The following COL25A1 variants were observed in gnomAD, a reference collection of about 807,000 sequenced individuals.
COL25A1 encodes the protein collagen alpha-1(XXV) chain.
A neutral mutation model predicts 128.4 loss-of-function variants in COL25A1; 103 were observed. The observed-to-expected ratio is 0.80, with a 90% CI of 0.68 to 0.94. COL25A1 has a LOEUF of 0.94. Ranked by LOEUF, COL25A1 falls within the 40% of genes least tolerant of loss-of-function variation. COL25A1 has a pLI of 0.00. For synonymous variants in COL25A1, 279 were observed against 277.2 expected, an observed-to-expected ratio of 1.01 and a Z score of -0.06; for missense variants, 745 against 840.0, an observed-to-expected ratio of 0.89 and a Z score of 1.40.
chr4:109,283,190 T>C (rs568951097), intron 3 of COL25A1, among the ~76,000 whole-genome samples: 39 of 152,310 alleles, frequency 2.6e-4, no homozygotes, highest in African/African-American at 9.4e-4. Flanking sequence ...CCCTGTGTAT[T>C]TGAGTTAGAG....
chr4:109,257,064 A>T (rs1781131203), intron 3 of COL25A1, among the ~76,000 whole-genome samples: 1 of 152,200 alleles, frequency 6.6e-6, no homozygotes, highest in Non-Finnish European at 1.5e-5. Context: ...TACTTTTCAC[A>T]ATAGTATCTG....
intron 5 of COL25A1, among the ~76,000 whole-genome samples, chr4:109,036,664 AT>A (rs1467517961): frequency 9.2e-5 from 14 of 152,348 alleles, no homozygotes; most frequent in African/African-American, 3.4e-4. Context: ...CCACAAGCTG[AT>A]TAGTTCCACT....
chr4:109,078,448 T>C (rs1248501275), intron 3 of COL25A1, among the ~76,000 whole-genome samples: 1 of 152,210 alleles, frequency 6.6e-6, no homozygotes, highest in African/African-American at 2.4e-5. Context: ...ATAAATGACA[T>C]ATAGCATTTG....
At chr4:108,861,476 C>A (rs1428063963) in intron 22 of COL25A1, among the ~76,000 whole-genome samples, 1 of 152,142 alleles carries the variant, frequency 6.6e-6, no homozygotes, top group Admixed American at 6.5e-5. Context: ...TGATGGGGAT[C>A]TAAGGAAAAG....
chr4:108,889,925 A>T (rs1741290795), intron 16 of COL25A1, among the ~76,000 whole-genome samples, 192 bp from the exon 17 acceptor site: 1 of 152,234 alleles, frequency 6.6e-6, no homozygotes, highest in Non-Finnish European at 1.5e-5. Flanking sequence ...TTGTACCAAT[A>T]TCTCAGCTGT....
chr4:109,186,421 T>C (rs1775135349), intron 3 of COL25A1, among the ~76,000 whole-genome samples: 1 of 152,242 alleles, frequency 6.6e-6, no homozygotes, highest in African/African-American at 2.4e-5. Context: ...TAAATGACAG[T>C]AATGTTTCAG....
chr4:109,166,000 T>A (rs1215205887), intron 3 of COL25A1, among the ~76,000 whole-genome samples: 3 of 152,168 alleles, frequency 2.0e-5, no homozygotes, highest in Non-Finnish European at 4.4e-5. Context: ...AAAAAATGAC[T>A]TTTTTAGTTG....
chr4:109,174,357 T>C lies in COL25A1; in HGVS notation c.368-124178A>G, dbSNP rs192406870. 4.0e-3 allele frequency among the ~76,000 whole-genome samples: 602 copies of C among 152,248 alleles called. 2 individuals are homozygous for C. The highest frequency in any genetic ancestry group is 0.01 in the Middle Eastern group (3 of 294). ...TTCTGTCCTGACAGATAAAGTCCCCTAGCTAAACATTCCTTTTTATCACAG... is the reference window on the plus strand; with the variant it reads ...TTCTGTCCTGACAGATAAAGTCCCCCAGCTAAACATTCCTTTTTATCACAG... On this transcript the variant is annotated intron_variant, in intron 3 of 37. Coordinates refer to ENST00000399132, the MANE Select transcript of COL25A1 (RefSeq NM_198721.4).
intron 3 of COL25A1, among the ~76,000 whole-genome samples, chr4:109,280,278 T>A (rs1028450489): frequency 6.6e-6 from 1 of 152,108 alleles, no homozygotes; most frequent in Non-Finnish European, 1.5e-5. Context: ...AAATTACACA[T>A]CCATTCAATG....
In COL25A1 at chr4:108,859,693, A is replaced by G. The variant is rs1736940796; in HGVS notation, c.1283T>C (p.Ile428Thr). The G allele has an allele frequency of 1.2e-6, 2 of 1,613,820 alleles. No homozygotes were observed. Among genetic ancestry groups the G allele is most frequent in the African/African-American group, 1.3e-5 (1 of 74,992 alleles). ...GQKGDQGATEIIDYNGNLHEA... is the reference protein window; with the variant it reads ...GQKGDQGATETIDYNGNLHEA... Reference sequence around the variant, plus strand: ...GTGGAGGTTGCCGTTGTAGTCTATGATCTCAGTGGCTCCTTGATCCCCTTT... The same window carrying G: ...GTGGAGGTTGCCGTTGTAGTCTATGGTCTCAGTGGCTCCTTGATCCCCTTT... Residue 428 changes from isoleucine to threonine, a missense_variant, in exon 24 of 38, where the codon ATC becomes ACC. Physicochemically the swap from Ile to Thr is moderately conservative, Grantham distance 89 (BLOSUM62 -1). This residue lies in a region of COL25A1 where 387 missense variants were observed against 441.9 expected (regional missense o/e 0.88). Coordinates refer to ENST00000399132, the MANE Select transcript of COL25A1 (RefSeq NM_198721.4).
At position 108,978,563 on chromosome 4, in the gene COL25A1, A is replaced by T. The variant is rs1376749344; in HGVS notation, c.439-4004T>A. On this transcript the variant is annotated intron_variant, in intron 6 of 37. Coordinates refer to ENST00000399132, the MANE Select transcript of COL25A1 (RefSeq NM_198721.4). ...TAATTTTTTTTTATCTTTAGCATTAAAAAAGCTAACTAGTATTAACTAAAG... is the reference window on the plus strand; with the variant it reads ...TAATTTTTTTTTATCTTTAGCATTATAAAAGCTAACTAGTATTAACTAAAG... Among the ~76,000 whole-genome samples the T allele has an allele frequency of 2.0e-5, 3 of 152,342 alleles. No homozygotes were observed. In the South Asian group the frequency reaches 6.2e-4, roughly 32 times the overall value.
intron 3 of COL25A1, among the ~76,000 whole-genome samples, chr4:109,228,684 G>A (rs78671698): frequency 0.035 from 5,396 of 152,174 alleles, 139 homozygotes; most frequent in Non-Finnish European, 0.052. Context: ...ATCAGAGCAG[G>A]CAAAAATGAA....
At chr4:108,952,831 C>CTTTTTTTTTTT (rs59761040) in intron 8 of COL25A1, among the ~76,000 whole-genome samples, 2 of 66,988 alleles carry the variant, frequency 3.0e-5, no homozygotes, top group East Asian at 5.3e-4. Context: ...AAAAACTCAA[C>CTTTTTTTTTTT]TTTTTTTTTT....
chr4:109,298,897 T>C (rs181430424), intron 3 of COL25A1, among the ~76,000 whole-genome samples: 1 of 152,308 alleles, frequency 6.6e-6, no homozygotes, highest in Admixed American at 6.5e-5. Context: ...GAAATCTCCA[T>C]TTATTATTAC....
chr4:109,162,957 A>C (rs1181176301), intron 3 of COL25A1, among the ~76,000 whole-genome samples: 1 of 152,194 alleles, frequency 6.6e-6, no homozygotes, highest in Non-Finnish European at 1.5e-5. Flanking sequence ...CACTGTTCTG[A>C]CATGCATTAG....
chr4:108,818,153 T>G (rs988882842), intron 36 of COL25A1, among the ~76,000 whole-genome samples: 1 of 151,740 alleles, frequency 6.6e-6, no homozygotes, highest in South Asian at 2.1e-4. Context: ...GCAGGAAGAG[T>G]TGGTACATCA....
In COL25A1 at chr4:108,827,129, A is replaced by T; in HGVS notation, c.1764+6T>A. ...GGTGGGGAGGTGCATGTGACCAGGA[A>T]CTCACAGGCAGCCCATAGGGCCCTC... On this transcript the variant is annotated splice_donor_region_variant and intron_variant, in intron 33 of 37. Transcript: ENST00000399132. The T allele has an allele frequency of 6.2e-7, 1 of 1,612,784 alleles. No individual in the cohort carries two copies. Among genetic ancestry groups the T allele is most frequent in the Non-Finnish European group, 8.5e-7 (1 of 1,179,184 alleles).
At chr4:108,912,032 ACTTC>A (rs1209538020) in intron 13 of COL25A1, among the ~76,000 whole-genome samples, 1 of 152,128 alleles carries the variant, frequency 6.6e-6, no homozygotes, top group Non-Finnish European at 1.5e-5. Flanking sequence ...GCAGGAAAAA[ACTTC>A]CTTCAACTAA....
At chr4:109,230,341 C>A (rs1417009281) in intron 3 of COL25A1, among the ~76,000 whole-genome samples, 7 of 152,198 alleles carry the variant, frequency 4.6e-5, no homozygotes, top group Non-Finnish European at 2.9e-5. Context: ...TTGATACATA[C>A]AGAGCAGCAT....
Sources: allele counts gnomAD v4.1 joint callset (sites outside exome capture counted in the v4.1 genomes callset), GRCh38; gene constraint gnomAD v4.1.1; regional missense constraint gnomAD v4.1.1; transcripts MANE v1.5; gene names NCBI Gene and HGNC (gene_info 2026-07-23, HGNC 2026-07-21).